The following LMOD2 variants were observed in gnomAD, a reference collection of about 807,000 sequenced individuals.
LMOD2 encodes leiomodin 2, also known as leiomodin-2.
LMOD2 carries 27 observed loss-of-function variants against 41.7 expected under a neutral mutation model. The ratio of observed to expected loss-of-function variants is 0.65; its 90% confidence interval spans 0.48 to 0.89. The LOEUF (loss-of-function observed/expected upper bound fraction) is 0.89. Ranked by LOEUF, LMOD2 falls within the 40% of genes least tolerant of loss-of-function variation. The pLI is 0.00. For missense variants in LMOD2, 624 were observed against 667.9 expected (o/e 0.93, Z 0.72); for synonymous variants, 251 against 244.6 (o/e 1.03, Z -0.25).
chr7:123,663,736 C>A lies in LMOD2; in HGVS notation c.1635C>A (p.Ala545=). 1 of 1,578,892 alleles carries A rather than the reference C, an allele frequency of 6.3e-7. No homozygotes were observed. Among genetic ancestry groups the A allele is most frequent in the Admixed American group, 1.8e-5 (1 of 54,986 alleles). ...TTTTGTAGGTGGAAGTTCCAGAAGCCCTGCGATAAAAACATGATCTTTAGA... is the reference window on the plus strand; with the variant it reads ...TTTTGTAGGTGGAAGTTCCAGAAGCACTGCGATAAAAACATGATCTTTAGA... ...KQLKRVEVPE[A]LR is the part of the protein sequence containing the mutation. The change falls in exon 3 of 3, where the codon GCC becomes GCA. Residue 545 remains alanine (A), a synonymous_variant. Coordinates refer to ENST00000458573, the MANE Select transcript of LMOD2 (RefSeq NM_207163.3).
At chr7:123,657,148 T>C (rs1223902709) in intron 1 of LMOD2, among the ~76,000 whole-genome samples, 1 of 152,110 alleles carries the variant, frequency 6.6e-6, no homozygotes, top group Non-Finnish European at 1.5e-5. Context: ...AACAGTTATT[T>C]TGAATTTGCC....
chr7:123,662,651 G>A lies in LMOD2; in HGVS notation c.1065G>A (p.Gln355=). The A allele has an allele frequency of 6.2e-7, 1 of 1,613,976 alleles. No individual in the cohort carries two copies. The highest frequency in any genetic ancestry group is 8.5e-7 in the Non-Finnish European group (1 of 1,179,890). The change falls in exon 2 of 3, where the codon CAG becomes CAA. Residue 355 remains glutamine, a synonymous_variant. Coordinates refer to ENST00000458573, the MANE Select transcript of LMOD2 (RefSeq NM_207163.3). This position sits in a 1 kb window ranked among gnomAD's most constrained non-coding sequence, Gnocchi z 4.0. ...TTTTGACAAGAAATATGGATAAACAGAGGCAAAAACGTTTGCAGGAGCAAA... is the reference window on the plus strand; with the variant it reads ...TTTTGACAAGAAATATGGATAAACAAAGGCAAAAACGTTTGCAGGAGCAAA... ...TSILTRNMDK[Q]RQKRLQEQKQ...
chr7:123,662,317 C>G lies in LMOD2; in HGVS notation c.731C>G (p.Thr244Arg). Reference protein sequence around the residue: ...EALKDNTVVKTFSLANTHADD... With the variant: ...EALKDNTVVKRFSLANTHADD... ...CTCAAGGACAACACTGTGGTGAAGA[C>G]GTTCAGTCTGGCCAACACGCATGCC... Residue 244 changes from threonine (T) to arginine (R), a missense_variant, in exon 2 of 3, where the codon ACG (threonine) becomes AGG (arginine). Coordinates refer to ENST00000458573, the MANE Select transcript of LMOD2 (RefSeq NM_207163.3). The surrounding 1 kb of genome is among the most constrained non-coding windows in gnomAD (Gnocchi z 4.0). 1 of 1,614,006 alleles carries G rather than the reference C, an allele frequency of 6.2e-7. No individual in the cohort carries two copies.
Position 123,662,685 on chromosome 7 carries a change from G to T in LMOD2, c.1099G>T (p.Glu367Ter), listed in dbSNP as rs1417628070. 6.2e-7 allele frequency: 1 copy of T among 1,613,896 alleles called. No homozygotes were observed. The highest frequency in any genetic ancestry group is 1.1e-5 in the South Asian group (1 of 91,090). The change falls in exon 2 of 3, where the codon GAG (glutamate) becomes TAG (stop). Residue 367 changes from glutamate to a stop codon, truncating the protein, a stop_gained. Transcript: ENST00000458573. LOFTEE classifies it high-confidence loss of function. The surrounding 1 kb of genome is among the most constrained non-coding windows in gnomAD (Gnocchi z 4.0). ...ACGTTTGCAGGAGCAAAAACAGCAG[G>T]AGGGATACGATGGAGGACCCAATCT... is the stretch of plus-strand genomic sequence containing the variant. ...QKRLQEQKQQEGYDGGPNLRT... is the reference protein window; with the variant it reads ...QKRLQEQKQQ
At position 123,656,237 on chromosome 7, in the gene LMOD2, G is replaced by A. The variant is rs2116731333; in HGVS notation, c.273+1G>A. On this transcript the variant is annotated splice_donor_variant, in intron 1 of 2. Transcript: ENST00000458573. LOFTEE classifies it high-confidence loss of function. ...GGAGAGGCTGGGGGAATGTGGAAAG[G>A]TAGGCTCTCGGGACTTTTCCTTGGC... is the stretch of plus-strand genomic sequence containing the variant. 3.1e-6 allele frequency: 5 copies of A among 1,601,986 alleles called. No individual in the cohort carries two copies. The highest frequency in any genetic ancestry group is 4.3e-6 in the Non-Finnish European group (5 of 1,174,280).
chr7:123,663,814 T>C lies in LMOD2; in HGVS notation c.*69T>C. ...TACATGAAATGCATTGTGAGATGTTTCTAAAATACCTTCTTCAATTCAAAA... is the reference window on the plus strand; with the variant it reads ...TACATGAAATGCATTGTGAGATGTTCCTAAAATACCTTCTTCAATTCAAAA... On this transcript the variant is annotated 3_prime_UTR_variant, in exon 3 of 3. Transcript: ENST00000458573. 1 of 1,278,626 alleles carries C rather than the reference T, an allele frequency of 7.8e-7. No individual in the cohort carries two copies. The highest frequency in any genetic ancestry group is 1.1e-6 in the Non-Finnish European group (1 of 909,412). 79.2% of individuals were successfully genotyped at this position (1,278,626 alleles called of 1,614,324 possible).
At position 123,663,197 on chromosome 7, in the gene LMOD2, A is replaced by G; in HGVS notation, c.1611A>G (p.Leu537=). Reference sequence around the variant, plus strand: ...TTCGGGGAAGCAGCATAAAACAGCTAAAGCGGGTAAGTAACCAGAGAACAG... The same window carrying G: ...TTCGGGGAAGCAGCATAAAACAGCTGAAGCGGGTAAGTAACCAGAGAACAG... ...EAIRGSSIKQ[L]KRVEVPEALR Residue 537 remains leucine, a synonymous_variant, in exon 2 of 3, where the codon CTA becomes CTG. Coordinates refer to ENST00000458573, the MANE Select transcript of LMOD2 (RefSeq NM_207163.3). The G allele has an allele frequency of 1.3e-6, 2 of 1,563,704 alleles. No individual in the cohort carries two copies. Among genetic ancestry groups the G allele is most frequent in the East Asian group, 2.4e-5 (1 of 41,828 alleles).
At chr7:123,661,214 G>C (rs762932885) in intron 1 of LMOD2, among the ~76,000 whole-genome samples, 15 of 152,170 alleles carry the variant, frequency 9.9e-5, no homozygotes, top group Non-Finnish European at 1.5e-4. Context: ...GTCTTCTGTG[G>C]TAGAGCCCTG....
At position 123,662,333 on chromosome 7, in the gene LMOD2, C is replaced by T; in HGVS notation, c.747C>T (p.Asn249=). The change falls in exon 2 of 3, where the codon AAC becomes AAT. Residue 249 remains asparagine, a synonymous_variant. Transcript: ENST00000458573. The surrounding 1 kb of genome is among the most constrained non-coding windows in gnomAD (Gnocchi z 4.0). Reference sequence around the variant, plus strand: ...TGGTGAAGACGTTCAGTCTGGCCAACACGCATGCCGACGACAGTGCAGCCA... The same window carrying T: ...TGGTGAAGACGTTCAGTCTGGCCAATACGCATGCCGACGACAGTGCAGCCA... The part of the protein sequence containing the change: ...NTVVKTFSLA[N]THADDSAAMA... 6.2e-7 allele frequency: 1 copy of T among 1,614,048 alleles called. No homozygotes were observed. The highest frequency in any genetic ancestry group is 1.1e-5 in the South Asian group (1 of 91,082).
At chr7:123,661,612 T>C (rs1212965733) in intron 1 of LMOD2, among the ~76,000 whole-genome samples, 2 of 152,216 alleles carry the variant, frequency 1.3e-5, no homozygotes, top group Non-Finnish European at 2.9e-5. Flanking sequence ...TATATTTTTA[T>C]TCAATAAGTT....
chr7:123,657,044 C>T (rs888433561), intron 1 of LMOD2, among the ~76,000 whole-genome samples: 2 of 152,104 alleles, frequency 1.3e-5, no homozygotes, highest in Admixed American at 6.5e-5. Flanking sequence ...ATGATCTCTT[C>T]GATTTCTGTC....
rs370138092 is a variant in LMOD2, at chr7:123,662,768, G to A, written c.1182G>A (p.Arg394=). 1.2e-5 allele frequency: 20 copies of A among 1,613,714 alleles called. No homozygotes were observed. The highest frequency in any genetic ancestry group is 1.4e-5 in the Non-Finnish European group (17 of 1,179,864). The change falls in exon 2 of 3, where the codon AGG becomes AGA. Residue 394 remains arginine (R), a synonymous_variant. Coordinates refer to ENST00000458573, the MANE Select transcript of LMOD2 (RefSeq NM_207163.3). The surrounding 1 kb of genome is among the most constrained non-coding windows in gnomAD (Gnocchi z 4.0). ...TPSSSPYVSP[R]HSPWSSPKLP... ...GCTCTTCACCTTATGTATCTCCCAG[G>A]CACTCACCCTGGTCATCCCCAAAAC...
Position 123,662,697 on chromosome 7 carries a change from G to A in LMOD2, c.1111G>A (p.Gly371Arg). Residue 371 changes from glycine to arginine, a missense_variant, in exon 2 of 3, where the codon GGA becomes AGA. By Grantham distance (125) the Gly-to-Arg change is moderately radical (BLOSUM62 -2). Coordinates refer to ENST00000458573, the MANE Select transcript of LMOD2 (RefSeq NM_207163.3). The surrounding 1 kb of genome is among the most constrained non-coding windows in gnomAD (Gnocchi z 4.0). ...GCAAAAACAGCAGGAGGGATACGAT[G>A]GAGGACCCAATCTTAGGACCAAAGT... ...QEQKQQEGYD[G>R]GPNLRTKVWQ... 6.2e-7 allele frequency: 1 copy of A among 1,614,008 alleles called. No homozygotes were observed.
intron 1 of LMOD2, among the ~76,000 whole-genome samples, chr7:123,659,003 C>A (rs1181724186): frequency 2.0e-5 from 3 of 152,160 alleles, no homozygotes; most frequent in Non-Finnish European, 4.4e-5. Context: ...ATCCAAAATT[C>A]ATGTATAACT....
intron 1 of LMOD2, among the ~76,000 whole-genome samples, chr7:123,656,943 G>C (rs936922093): frequency 2.8e-4 from 42 of 152,302 alleles, no homozygotes; most frequent in African/African-American, 9.4e-4. Context: ...CCCTGGGCTT[G>C]TGCAAAATAC....
intron 1 of LMOD2, among the ~76,000 whole-genome samples, chr7:123,660,004 T>C (rs780741049): frequency 2.0e-5 from 3 of 152,172 alleles, no homozygotes; most frequent in Non-Finnish European, 4.4e-5. Context: ...GACAGGCCCC[T>C]TTCCTCCAAA....
chr7:123,661,151 C>T (rs1802869134), intron 1 of LMOD2, among the ~76,000 whole-genome samples: 2 of 152,212 alleles, frequency 1.3e-5, no homozygotes, highest in Non-Finnish European at 2.9e-5. Flanking sequence ...CTTTAGGCTT[C>T]CCTTGCCCAG....
At position 123,663,205 on chromosome 7, in the gene LMOD2, T is replaced by TA; in HGVS notation, c.1617+4dup. 1 of 1,560,772 alleles carries TA rather than the reference T, an allele frequency of 6.4e-7. No individual in the cohort carries two copies. The highest frequency in any genetic ancestry group is 8.7e-7 in the Non-Finnish European group (1 of 1,152,874). The stretch of plus-strand genomic sequence containing the variant: ...AGCAGCATAAAACAGCTAAAGCGGG[T>TA]AAGTAACCAGAGAACAGACATAGGG... On this transcript the variant is annotated splice_region_variant and intron_variant, in intron 2 of 2. Coordinates refer to ENST00000458573, the MANE Select transcript of LMOD2 (RefSeq NM_207163.3).
In LMOD2 at chr7:123,661,783, T is replaced by C. The variant is rs1042871464; in HGVS notation, c.274-77T>C. On this transcript the variant is annotated intron_variant, in intron 1 of 2. Transcript: ENST00000458573. ...TAAACTTATGTCACTTGCCATGTGC[T>C]ACTTTTGCAAGTTAAAAAATGTACT... 131 of 927,588 alleles carry C rather than the reference T, an allele frequency of 1.4e-4. 1 individual carries two copies. Among genetic ancestry groups the C allele is most frequent in the Non-Finnish European group, 3.3e-5 (21 of 630,856 alleles). The allele number at this position is 927,588 out of a possible 1,614,324, so 57.5% of individuals were successfully genotyped here.
Sources: allele counts gnomAD v4.1 joint callset (sites outside exome capture counted in the v4.1 genomes callset), GRCh38; gene constraint gnomAD v4.1.1; non-coding constraint Gnocchi (gnomAD v3.1); transcripts MANE v1.5; gene names NCBI Gene and HGNC (gene_info 2026-07-23, HGNC 2026-07-21).